Variants in AFF1 observed in about 807,000 individuals in gnomAD.
The protein encoded by AFF1 is AF4/FMR2 family member 1.
Under a neutral mutation model 121.7 loss-of-function variants are expected in AFF1, and 48 were observed. That is an observed-to-expected ratio of 0.39 (90% CI 0.31 to 0.50). AFF1 has a LOEUF of 0.50. Among genes scored for constraint, AFF1 ranks in the 20% least tolerant of loss-of-function variants. The pLI, the probability that AFF1 is intolerant of heterozygous loss-of-function variation, is 0.76. For missense variants in AFF1, 1,523 were observed against 1,511.7 expected (o/e 1.01, Z -0.12); for synonymous variants, 613 against 563.0 (o/e 1.09, Z -1.26).
In AFF1 at chr4:87,114,464, C is replaced by A. The variant is rs762584698; in HGVS notation, c.1631C>A (p.Pro544His). 5 of 1,613,682 alleles carry A rather than the reference C, an allele frequency of 3.1e-6. No individual in the cohort carries two copies. The highest frequency in any genetic ancestry group is 4.5e-5 in the East Asian group (2 of 44,860). ...CCAGAGGGCCCCAGGAGCACAGAGC[C>A]CCCACGGCGGCACCCAGAGAGTAAG... ...APPEGPRSTE[P>H]PRRHPESKGS... Residue 544 changes from proline to histidine, a missense_variant, in exon 12 of 21, where the codon CCC becomes CAC. Physicochemically the swap from Pro to His is moderately conservative, Grantham distance 77. This residue lies in a region of AFF1 where 905 missense variants were observed against 842.5 expected (regional missense o/e 1.07). Coordinates refer to ENST00000395146, the MANE Select transcript of AFF1 (RefSeq NM_001166693.3).
At chr4:86,960,050 T>C (rs1167428956) in intron 2 of AFF1, among the ~76,000 whole-genome samples, 1 of 152,126 alleles carries the variant, frequency 6.6e-6, no homozygotes, top group Non-Finnish European at 1.5e-5. Context: ...CCAGGGGTGA[T>C]AAATGGGGGC....
At chr4:87,059,228 C>T (rs1045206301) in intron 4 of AFF1, among the ~76,000 whole-genome samples, 1 of 152,198 alleles carries the variant, frequency 6.6e-6, no homozygotes, top group Non-Finnish European at 1.5e-5. Context: ...ATCCACCTGC[C>T]CACTGGACTT....
At chr4:87,100,454 T>TCCTTTCAG (rs1725318421) in intron 8 of AFF1, among the ~76,000 whole-genome samples, 1 of 152,158 alleles carries the variant, frequency 6.6e-6, no homozygotes, top group African/African-American at 2.4e-5. Context: ...GCTCTCTCCC[T>TCCTTTCAG]CCTTTCAGCT....
intron 4 of AFF1, among the ~76,000 whole-genome samples, chr4:87,053,849 A>G (rs1731496124): frequency 6.6e-6 from 1 of 152,242 alleles, no homozygotes; most frequent in South Asian, 2.1e-4. Flanking sequence ...ACTACAAGCT[A>G]TTCTAAGAGC....
At chr4:87,006,314 C>T (rs996443494) in intron 2 of AFF1, among the ~76,000 whole-genome samples, 1 of 152,172 alleles carries the variant, frequency 6.6e-6, no homozygotes. Context: ...AAGTATTTTC[C>T]TGCTTTTGAG....
chr4:86,972,785 C>T (rs1257924033), intron 2 of AFF1, among the ~76,000 whole-genome samples: 2 of 152,106 alleles, frequency 1.3e-5, no homozygotes, highest in African/African-American at 2.4e-5. Flanking sequence ...AGTGATCTGC[C>T]CATATCTACC....
At chr4:86,977,858 G>T (rs1723423006) in intron 2 of AFF1, among the ~76,000 whole-genome samples, 1 of 152,156 alleles carries the variant, frequency 6.6e-6, no homozygotes, top group African/African-American at 2.4e-5. Flanking sequence ...AAGAGTCTGG[G>T]CACGTTGCTA....
intron 4 of AFF1, among the ~76,000 whole-genome samples, chr4:87,070,325 G>T (rs1721899319): frequency 6.6e-6 from 1 of 151,904 alleles, no homozygotes; most frequent in African/African-American, 2.4e-5. Context: ...TTTTAGTAGA[G>T]ACTGGGTTTC....
chr4:87,081,285 C>A (rs970747043), intron 4 of AFF1, among the ~76,000 whole-genome samples: 2 of 151,078 alleles, frequency 1.3e-5, no homozygotes, highest in Non-Finnish European at 1.5e-5. Context: ...CCTCAGCCTC[C>A]CTAGTAGCTG....
At chr4:86,959,956 G>A (rs976486721) in intron 2 of AFF1, among the ~76,000 whole-genome samples, 3 of 152,148 alleles carry the variant, frequency 2.0e-5, no homozygotes, top group Non-Finnish European at 4.4e-5. Context: ...CCAGGGCCTC[G>A]TTTGCAAATG....
intron 2 of AFF1, among the ~76,000 whole-genome samples, chr4:87,030,178 A>C (rs1728930084): frequency 6.6e-6 from 1 of 151,940 alleles, no homozygotes; most frequent in Non-Finnish European, 1.5e-5. Context: ...TAATTTAGGG[A>C]CTAGTCCAGG....
chr4:86,987,181 C>T (rs1250788882), intron 2 of AFF1, among the ~76,000 whole-genome samples: 2 of 152,296 alleles, frequency 1.3e-5, no homozygotes, highest in African/African-American at 4.8e-5. Flanking sequence ...GACTAAATGT[C>T]TTTGCTGCTT....
intron 2 of AFF1, among the ~76,000 whole-genome samples, chr4:86,995,621 G>T (rs1387921035): frequency 1.5e-5 from 2 of 132,888 alleles, no homozygotes; most frequent in East Asian, 2.0e-4. Flanking sequence ...GTGCTCAATG[G>T]TGCCCAGGCT....
At chr4:87,135,312 C>T (rs2149807540) in intron 20 of AFF1, among the ~76,000 whole-genome samples, 1 of 152,130 alleles carries the variant, frequency 6.6e-6, no homozygotes, top group Non-Finnish European at 1.5e-5. Context: ...TTCATTAATG[C>T]ATCCTTTGAG....
intron 4 of AFF1, among the ~76,000 whole-genome samples, chr4:87,057,498 ATTAC>A (rs2149642394): frequency 6.6e-6 from 1 of 152,294 alleles, no homozygotes; most frequent in African/African-American, 2.4e-5. Flanking sequence ...TAATCTTTGA[ATTAC>A]TTAAGACAGT....
intron 2 of AFF1, among the ~76,000 whole-genome samples, chr4:87,010,656 T>A (rs1456568459): frequency 1.3e-5 from 2 of 151,774 alleles, no homozygotes; most frequent in Non-Finnish European, 2.9e-5. Context: ...TACTGAGGAG[T>A]GGTGTTGATG....
At chr4:87,006,685 T>A (rs1304845301) in intron 2 of AFF1, among the ~76,000 whole-genome samples, 4 of 152,218 alleles carry the variant, frequency 2.6e-5, no homozygotes, top group African/African-American at 9.6e-5. Flanking sequence ...CAACAAATAT[T>A]CAAATTGGAG....
chr4:87,029,398 C>T (rs1343144224), intron 2 of AFF1, among the ~76,000 whole-genome samples: 1 of 152,206 alleles, frequency 6.6e-6, no homozygotes, highest in Non-Finnish European at 1.5e-5. Flanking sequence ...CCTCCTTACA[C>T]TGTCAGCCTG....
intron 2 of AFF1, among the ~76,000 whole-genome samples, chr4:87,013,643 TA>T (rs1184368880): frequency 6.6e-6 from 1 of 150,906 alleles, no homozygotes; most frequent in African/African-American, 2.4e-5. Flanking sequence ...GGGGAAGAGT[TA>T]AGGCTGTGAT....
Sources: gnomAD v4.1 joint callset for allele counts (sites outside exome capture counted in the v4.1 genomes callset) on GRCh38, gnomAD v4.1.1 for gene constraint, gnomAD v4.1.1 regional missense constraint, MANE v1.5 for transcripts, NCBI Gene and HGNC (gene_info 2026-07-23, HGNC 2026-07-21) for gene names.